ARMCX4: variants seen among roughly 807,000 people sequenced by gnomAD.
The protein encoded by ARMCX4 is armadillo repeat-containing X-linked protein 4.
ARMCX4 carries 3 observed loss-of-function variants against 34.7 expected under a neutral mutation model. That is an observed-to-expected ratio of 0.09 (90% CI 0.04 to 0.22). The LOEUF is 0.22. Among genes scored for constraint, ARMCX4 ranks in the 10% least tolerant of loss-of-function variants. The pLI, the probability that ARMCX4 is intolerant of heterozygous loss-of-function variation, is 1.00. For missense variants in ARMCX4, 1,448 were observed against 1,720.8 expected (o/e 0.84, Z 2.81); for synonymous variants, 513 against 632.8 (o/e 0.81, Z 2.84).
At chrX:101,442,948 C>T (rs893316751) in intron 2 of ARMCX4, among the ~76,000 whole-genome samples, 7 of 109,609 alleles carry the variant, frequency 6.4e-5, no homozygotes, top group Non-Finnish European at 1.3e-4. Context: ...CTGGCTAACT[C>T]GGTGAAACTC....
chrX:101,457,802 G>A (rs1932379299), intron 4 of ARMCX4, among the ~76,000 whole-genome samples: 2 of 110,093 alleles, frequency 1.8e-5, no homozygotes, highest in Admixed American at 1.9e-4. Flanking sequence ...AAGTGCAGTG[G>A]CACCATCTTG....
rs1172780076 is a variant in ARMCX4 at position 101,478,865 on chromosome X, A to G, written c.-472-7158A>G. ...GAGTGAAATAGAAACATGTGGCTAA[A>G]AATTGAATTATGGACAGAGGAAGGG... On this transcript the variant is annotated intron_variant and NMD_transcript_variant, in intron 4 of 15. Coordinates refer to the ARMCX4 transcript ENST00000433011. Among the ~76,000 whole-genome samples the G allele has an allele frequency of 2.7e-5, 3 of 111,695 alleles. No individual in the cohort carries two copies. In the Admixed American group the frequency reaches 2.9e-4, roughly 11 times the overall value.
chrX:101,457,734 A>G (rs935756400), intron 4 of ARMCX4, among the ~76,000 whole-genome samples: 57 of 110,110 alleles, frequency 5.2e-4, no homozygotes, highest in African/African-American at 1.8e-3. Context: ...AAACAAACAA[A>G]CAAAACCCCC....
chrX:101,454,769 G>A (rs1333721843), intron 4 of ARMCX4, among the ~76,000 whole-genome samples: 1 of 111,441 alleles, frequency 9.0e-6, no homozygotes, highest in African/African-American at 3.3e-5. Flanking sequence ...CTATAGACTG[G>A]ATGGCTTGTA....
chrX:101,509,688 A>C (rs2147699887), intron 10 of ARMCX4: 1 of 111,387 alleles, frequency 9.0e-6, no homozygotes, highest in East Asian at 2.8e-4. Context: ...GGTATGAGAC[A>C]CTGAGCACTT....
chrX:101,529,048 A>G (rs113372038), intron 11 of ARMCX4, among the ~76,000 whole-genome samples: 2 of 111,702 alleles, frequency 1.8e-5, no homozygotes, highest in African/African-American at 6.5e-5. Flanking sequence ...CAAAAAGAAC[A>G]AAGCTGGAGG....
At chrX:101,438,487 C>T (rs1388421570) in intron 2 of ARMCX4, among the ~76,000 whole-genome samples, 2 of 110,988 alleles carry the variant, frequency 1.8e-5, no homozygotes, top group African/African-American at 6.6e-5. Context: ...ATGGCGTGAA[C>T]CCGGGAGGCA....
chrX:101,457,783 C>T (rs1932376776), intron 4 of ARMCX4, among the ~76,000 whole-genome samples: 1 of 110,194 alleles, frequency 9.1e-6, no homozygotes, highest in South Asian at 4.0e-4. Flanking sequence ...CACTCTGTTG[C>T]CCAGGCTGAA....
chrX:101,458,143 A>ATT (rs199609086), intron 4 of ARMCX4, among the ~76,000 whole-genome samples: 26 of 107,055 alleles, frequency 2.4e-4, no homozygotes, highest in Admixed American at 1.0e-3. Context: ...GCCAATAAAG[A>ATT]TTTTTTTTTT....
rs782509860 is a variant in ARMCX4, at chrX:101,489,521, A to G, written c.932A>G (p.Glu311Gly). Residue 311 changes from glutamate (E) to glycine (G), a missense_variant, in exon 6 of 6, where the codon GAG (glutamate) becomes GGG (glycine). By Grantham distance (98) the Glu-to-Gly change is moderately conservative (BLOSUM62 -2). Around this residue, in one of 2 missense-constraint regions of ARMCX4, gnomAD observed 1,343 missense variants for 1,540.7 expected, o/e 0.87. Transcript: ENST00000423738. ...AATTGTAAAACCATGTCTAGGGCAGAGTCTGGGGCAGACACGAGGGCTTCT... is the reference window on the plus strand; with the variant it reads ...AATTGTAAAACCATGTCTAGGGCAGGGTCTGGGGCAGACACGAGGGCTTCT... ...MGNCKTMSRA[E>G]SGADTRASAQ... The G allele has an allele frequency of 2.6e-6, 3 of 1,153,947 alleles. No individual in the cohort carries two copies. The highest frequency in any genetic ancestry group is 1.1e-6 in the Non-Finnish European group (1 of 872,704).
At chrX:101,443,005 C>A (rs1007629663) in intron 2 of ARMCX4, among the ~76,000 whole-genome samples, 1 of 108,887 alleles carries the variant, frequency 9.2e-6, no homozygotes, top group Non-Finnish European at 1.9e-5. Context: ...GTGGCAGGCA[C>A]CTATAGTTCC....
At chrX:101,460,053 C>T (rs961071619) in intron 4 of ARMCX4, among the ~76,000 whole-genome samples, 24 of 112,691 alleles carry the variant, frequency 2.1e-4, no homozygotes, top group African/African-American at 6.8e-4. Flanking sequence ...GCTCTAGGGA[C>T]CACAGTCTGA....
chrX:101,448,378 C>T (rs782107213), downstream of ARMCX4, among the ~76,000 whole-genome samples: 10 of 111,799 alleles, frequency 8.9e-5, no homozygotes, highest in African/African-American at 3.3e-4. Flanking sequence ...ATTGCTAGAT[C>T]GCATAGTAGC....
intron 8 of ARMCX4, among the ~76,000 whole-genome samples, chrX:101,505,557 C>A (rs1556014936): frequency 9.0e-6 from 1 of 110,626 alleles, no homozygotes. Flanking sequence ...AGTCAGGTAG[C>A]CTCAGTGAAG....
At chrX:101,528,524 GAAA>G (rs1438123299) in intron 11 of ARMCX4, among the ~76,000 whole-genome samples, 1 of 111,445 alleles carries the variant, frequency 9.0e-6, no homozygotes, top group Non-Finnish European at 1.9e-5. Context: ...ATTCAATTAG[GAAA>G]AGAGGAAGTC....
intron 11 of ARMCX4, among the ~76,000 whole-genome samples, chrX:101,515,395 C>CTTTTTCTT (rs1556017495): frequency 9.5e-4 from 2 of 2,104 alleles, no homozygotes; most frequent in Admixed American, 8.6e-3. Context: ...CTTTCTTTCC[C>CTTTTTCTT]TCCCTCCCTC....
intron 4 of ARMCX4, among the ~76,000 whole-genome samples, chrX:101,473,617 C>A: frequency 9.1e-6 from 1 of 109,602 alleles, no homozygotes; most frequent in Non-Finnish European, 1.9e-5. Flanking sequence ...TTTTTCAGAC[C>A]ACAGTGCAAT....
chrX:101,490,396 G>C lies in ARMCX4; in HGVS notation c.1807G>C (p.Gly603Arg). Residue 603 changes from glycine to arginine, a missense_variant, in exon 6 of 6, where the codon GGT becomes CGT. This residue lies in a region of ARMCX4 where 1,343 missense variants were observed against 1,540.7 expected (regional missense o/e 0.87). Coordinates refer to ENST00000423738, the MANE Select transcript of ARMCX4 (RefSeq NM_001256155.3). ...CAATCCCCAGGGTGAGGCCTTGCCTGGTGCCAAGAATAAAGTCAAGGGCAA... is the reference window on the plus strand; with the variant it reads ...CAATCCCCAGGGTGAGGCCTTGCCTCGTGCCAAGAATAAAGTCAAGGGCAA... ...VANPQGEALP[G>R]AKNKVKGNPH... 1 of 1,156,059 alleles carries C rather than the reference G, an allele frequency of 8.7e-7. No individual in the cohort carries two copies. Among genetic ancestry groups the C allele is most frequent in the Non-Finnish European group, 1.1e-6 (1 of 872,925 alleles).
At chrX:101,496,974 G>A (rs1446152226), downstream of ARMCX4, among the ~76,000 whole-genome samples, 1 of 111,993 alleles carries the variant, frequency 8.9e-6, no homozygotes, top group Non-Finnish European at 1.9e-5. Context: ...CTCAAGATAG[G>A]CAGTTGGCTA....
Sources: allele counts gnomAD v4.1 joint callset (sites outside exome capture counted in the v4.1 genomes callset), GRCh38; gene constraint gnomAD v4.1.1; regional missense constraint gnomAD v4.1.1; transcripts MANE v1.5; gene names NCBI Gene and HGNC (gene_info 2026-07-23, HGNC 2026-07-21).